NFATC3: variants seen among roughly 807,000 people sequenced by gnomAD.
NFATC3 encodes the protein nuclear factor of activated T cells 3, also known as nuclear factor of activated T-cells, cytoplasmic 3.
Under a neutral mutation model 98.6 loss-of-function variants are expected in NFATC3, and 46 were observed. The observed-to-expected ratio is 0.47, with a 90% CI of 0.37 to 0.60. The LOEUF (loss-of-function observed/expected upper bound fraction) is 0.60, where lower values mean the gene tolerates loss of function less well. NFATC3 is among the 20% of genes least tolerant of loss of function. The pLI, the probability that NFATC3 is intolerant of heterozygous loss-of-function variation, is 0.00. For missense variants in NFATC3, 1,256 were observed against 1,295.5 expected (o/e 0.97, Z 0.47); for synonymous variants, 512 against 472.2 (o/e 1.08, Z -1.09).
At chr16:68,090,017 T>C (rs1020585243) in intron 1 of NFATC3, among the ~76,000 whole-genome samples, 1 of 152,194 alleles carries the variant, frequency 6.6e-6, no homozygotes. Context: ...CAGATAATCC[T>C]TTAATACACA....
intron 9 of NFATC3, 197 bp from the exon 10 acceptor site, chr16:68,226,153 A>C: frequency 1.9e-6 from 1 of 517,680 alleles, no homozygotes; most frequent in Non-Finnish European, 3.2e-6. Flanking sequence ...ATGAGAGAGA[A>C]AAAGAGGTCC....
At chr16:68,131,898 T>A (rs926231907) in intron 3 of NFATC3, among the ~76,000 whole-genome samples, 8 of 152,068 alleles carry the variant, frequency 5.3e-5, no homozygotes, top group Non-Finnish European at 1.2e-4. Flanking sequence ...ATCTACCAAC[T>A]CTTCTCAATT....
intron 1 of NFATC3, chr16:68,089,036 A>G: frequency 2.0e-6 from 2 of 985,452 alleles, no homozygotes; most frequent in Non-Finnish European, 2.4e-6. Flanking sequence ...TTCGTGGTAG[A>G]GGAAATTGAC....
rs568697241 is a variant in NFATC3, at chr16:68,127,833, T to G, written c.1401+1223T>G. Among the ~76,000 whole-genome samples the G allele has an allele frequency of 2.6e-5, 4 of 152,308 alleles. No individual in the cohort carries two copies. In the South Asian group the frequency reaches 8.3e-4, roughly 32 times the overall value. On this transcript the variant is annotated intron_variant, in intron 3 of 9. Coordinates refer to ENST00000346183, the MANE Select transcript of NFATC3 (RefSeq NM_173165.3). Reference sequence around the variant, plus strand: ...TGAAAAGTAAAGTAATTGTCTGTCTTAAACTTCCTTCCCCTTTTCTACTCT... The same window carrying G: ...TGAAAAGTAAAGTAATTGTCTGTCTGAAACTTCCTTCCCCTTTTCTACTCT...
In NFATC3 at chr16:68,154,263, G is replaced by A. The variant is rs563958212; in HGVS notation, c.1402-3606G>A. 2.6e-5 allele frequency among the ~76,000 whole-genome samples: 4 copies of A among 152,256 alleles called. No individual in the cohort carries two copies. The East Asian group carries it at 7.7e-4, about 29-fold the overall frequency. On this transcript the variant is annotated intron_variant, in intron 3 of 9. Transcript: ENST00000346183. ...TGATACCATCATTCTCCTGGGTACT[G>A]AAGCTCAGATCTGACTTATTGGATC...
In NFATC3 at chr16:68,192,230, A is replaced by AAAAAAATAT. The variant is rs1555522047; in HGVS notation, c.3106+456_3106+457insAAAAATATA. Reference sequence around the variant, plus strand: ...CTCGGGAAAAAAAAAAAAAAAAAAAAATATATATATATATATATATATATG... The same window carrying AAAAAAATAT: ...CTCGGGAAAAAAAAAAAAAAAAAAAAAAAAAATATATATATATATATATATATATATATG... On this transcript the variant is annotated intron_variant, in intron 9 of 9. Transcript: ENST00000346183. 35 of 82,580 alleles carry AAAAAAATAT rather than the reference A, an allele frequency of 4.2e-4. 2 individuals are homozygous for AAAAAAATAT. Among genetic ancestry groups the AAAAAAATAT allele is most frequent in the African/African-American group, 1.5e-3 (27 of 17,440 alleles). The allele number at this position is 82,580 out of a possible 1,614,324, so 5.1% of individuals were successfully genotyped here.
chr16:68,095,096 T>C (rs1378259510), intron 1 of NFATC3, among the ~76,000 whole-genome samples: 1 of 152,070 alleles, frequency 6.6e-6, no homozygotes, highest in African/African-American at 2.4e-5. Context: ...ATAGAAAATC[T>C]GTTAGGGAGG....
In NFATC3 at chr16:68,085,633, T is replaced by TGCCGCC. The variant is rs755187553; in HGVS notation, c.-39_-34dup. On this transcript the variant is annotated 5_prime_UTR_variant, in exon 1 of 10. Coordinates refer to ENST00000346183, the MANE Select transcript of NFATC3 (RefSeq NM_173165.3). ...AGGAGCTGCTGCCGCCGCTTGCCGC[T>TGCCGCC]GCCGCCGCCGCCGCCTGAGGAGGAG... 16 of 1,449,172 alleles carry TGCCGCC rather than the reference T, an allele frequency of 1.1e-5. No homozygotes were observed. Among genetic ancestry groups the TGCCGCC allele is most frequent in the Admixed American group, 5.0e-5 (2 of 39,624 alleles). 89.8% of individuals were successfully genotyped at this position (1,449,172 alleles called of 1,614,324 possible). A position where few individuals can be genotyped will look rare whatever the true frequency, so the allele number is the denominator to read the frequency against.
At chr16:68,157,784 G>A (rs2151575681) in intron 3 of NFATC3, 85 bp from the exon 4 acceptor site, 1 of 1,044,988 alleles carries the variant, frequency 9.6e-7, no homozygotes, top group Non-Finnish European at 1.4e-6. Flanking sequence ...ATATGATAGA[G>A]ATATAATAGA....
chr16:68,199,028 C>T lies in NFATC3; in HGVS notation c.3106+7253C>T, dbSNP rs1034203853. On this transcript the variant is annotated intron_variant, in intron 9 of 9. Transcript: ENST00000346183. ...ACGCTGCTGCACTCCAGCCTGGCAA[C>T]AGAGCGAGACTCCATCTCAAAAAGA... Among the ~76,000 whole-genome samples, 3 of 150,654 alleles carry T rather than the reference C, an allele frequency of 2.0e-5. No homozygotes were observed. In the Admixed American group the frequency reaches 2.0e-4, roughly 10 times the overall value.
chr16:68,152,293 C>T (rs1175245388), intron 3 of NFATC3, among the ~76,000 whole-genome samples: 1 of 147,358 alleles, frequency 6.8e-6, no homozygotes, highest in Non-Finnish European at 1.5e-5. Flanking sequence ...ACAGGAGAAT[C>T]GCTTGAACTG....
chr16:68,143,209 T>TAAAA (rs5817630), intron 3 of NFATC3, among the ~76,000 whole-genome samples: 1 of 49,756 alleles, frequency 2.0e-5, no homozygotes, highest in African/African-American at 6.0e-5. Flanking sequence ...AAGACCATGC[T>TAAAA]AAAAAAAAAA....
At chr16:68,131,242 C>T (rs1015243813) in intron 3 of NFATC3, among the ~76,000 whole-genome samples, 2 of 152,004 alleles carry the variant, frequency 1.3e-5, no homozygotes, top group Non-Finnish European at 2.9e-5. Context: ...TTTGGTAGTG[C>T]TTATTGATAC....
rs773196296 is a variant in NFATC3, at chr16:68,214,335, TTA to T, written c.3107-12011_3107-12010del. 3 of 1,614,106 alleles carry T rather than the reference TTA, an allele frequency of 1.9e-6. No individual in the cohort carries two copies. The South Asian group carries it at 3.3e-5, about 18-fold the overall frequency. On this transcript the variant is annotated intron_variant, in intron 9 of 9. Coordinates refer to ENST00000346183, the MANE Select transcript of NFATC3 (RefSeq NM_173165.3). ...GTTGTCTTCTTTGACACAGACCAATTTATATCTGACTTGGAACACCAGCCATC... is the reference window on the plus strand; with the variant it reads ...GTTGTCTTCTTTGACACAGACCAATTTATCTGACTTGGAACACCAGCCATC...
At chr16:68,100,908 G>A (rs1027192363) in intron 1 of NFATC3, among the ~76,000 whole-genome samples, 5 of 102,948 alleles carry the variant, frequency 4.9e-5, no homozygotes, top group Non-Finnish European at 2.0e-5. Context: ...TGTGTGTGGG[G>A]TGTGTGTGTG....
At chr16:68,133,858 A>G (rs768892712) in intron 3 of NFATC3, among the ~76,000 whole-genome samples, 6 of 151,778 alleles carry the variant, frequency 4.0e-5, no homozygotes, top group African/African-American at 9.7e-5. Context: ...GACAATATGT[A>G]TAAAGCTGCT....
chr16:68,112,487 AG>A (rs1283123639), intron 1 of NFATC3, among the ~76,000 whole-genome samples: 2 of 151,464 alleles, frequency 1.3e-5, no homozygotes. Context: ...CATCTTGACC[AG>A]GCTGGTCTTG....
At chr16:68,120,310 G>T (rs1430770160) in intron 1 of NFATC3, among the ~76,000 whole-genome samples, 2 of 149,832 alleles carry the variant, frequency 1.3e-5, no homozygotes, top group Non-Finnish European at 3.0e-5. Context: ...GGGTGTGGTG[G>T]CTCATGCTTG....
At chr16:68,195,291 G>A (rs1301262849) in intron 9 of NFATC3, among the ~76,000 whole-genome samples, 1 of 152,042 alleles carries the variant, frequency 6.6e-6, no homozygotes, top group Non-Finnish European at 1.5e-5. Flanking sequence ...CTAGATTGTA[G>A]CCCCCCAGAG....
Sources: gnomAD v4.1 joint callset for allele counts (sites outside exome capture counted in the v4.1 genomes callset) on GRCh38, gnomAD v4.1.1 for gene constraint, MANE v1.5 for transcripts, NCBI Gene and HGNC (gene_info 2026-07-23, HGNC 2026-07-21) for gene names.